The following PHTF2 variants were observed in gnomAD, a reference collection of about 807,000 sequenced individuals.
PHTF2 encodes the protein protein PHTF2.
In PHTF2, 60 loss-of-function variants were observed where a neutral mutation model predicts 101.2. The ratio of observed to expected loss-of-function variants is 0.59; its 90% CI spans 0.48 to 0.73. The LOEUF (loss-of-function observed/expected upper bound fraction) is 0.73. Ranked by LOEUF, PHTF2 falls within the 30% of genes least tolerant of loss-of-function variation. The probability of loss-of-function intolerance (pLI) is 0.00; values close to 1 mark genes in which losing one functional copy is unlikely to be tolerated. For missense variants in PHTF2, 747 were observed against 908.7 expected (o/e 0.82, Z 2.29); for synonymous variants, 311 against 307.3 (o/e 1.01, Z -0.13).
chr7:77,908,486 T>C (rs1442504310), intron 7 of PHTF2, among the ~76,000 whole-genome samples: 2 of 152,210 alleles, frequency 1.3e-5, no homozygotes, highest in Non-Finnish European at 2.9e-5. Flanking sequence ...AGTTCTTTGA[T>C]TGTCTGTGAT....
chr7:77,825,862 C>T (rs757805019), intron 1 of PHTF2, among the ~76,000 whole-genome samples: 49 of 151,928 alleles, frequency 3.2e-4, no homozygotes, highest in Non-Finnish European at 5.3e-4. Context: ...GAAAAATAAA[C>T]GAAAGAAGTA....
chr7:77,901,962 C>CA, intron 7 of PHTF2, 42 bp downstream of exon 6: 1 of 1,254,090 alleles, frequency 8.0e-7, no homozygotes, highest in Non-Finnish European at 1.1e-6. Context: ...CAGAATGTTA[C>CA]ATTGTTAGGT....
At chr7:77,845,212 T>C (rs932118917) in intron 2 of PHTF2, among the ~76,000 whole-genome samples, 1 of 152,190 alleles carries the variant, frequency 6.6e-6, no homozygotes, top group Non-Finnish European at 1.5e-5. Context: ...TTAAACAATA[T>C]AGTGACCTGT....
chr7:77,897,775 GGTTCAA>G (rs1287214354), intron 5 of PHTF2, among the ~76,000 whole-genome samples: 2 of 152,080 alleles, frequency 1.3e-5, no homozygotes, highest in African/African-American at 4.8e-5. Flanking sequence ...CTGCCTCCCA[GGTTCAA>G]GCGATTCTCC....
chr7:77,800,059 A>C (rs1245095454), intron 1 of PHTF2, among the ~76,000 whole-genome samples: 2 of 151,678 alleles, frequency 1.3e-5, no homozygotes, highest in East Asian at 3.9e-4. Context: ...GTTTTCAGGT[A>C]TTTTTGTAAA....
chr7:77,934,430 C>T (rs1486370764), intron 12 of PHTF2, among the ~76,000 whole-genome samples: 1 of 152,162 alleles, frequency 6.6e-6, no homozygotes, highest in East Asian at 1.9e-4. Flanking sequence ...TGCATTCCCA[C>T]AGTTGGAAAC....
intron 3 of PHTF2, among the ~76,000 whole-genome samples, chr7:77,874,185 CCAAA>C (rs1322868504): frequency 6.6e-6 from 1 of 152,112 alleles, no homozygotes; most frequent in Non-Finnish European, 1.5e-5. Flanking sequence ...GCAAAACTCT[CCAAA>C]CAGTTCATGC....
intron 13 of PHTF2, among the ~76,000 whole-genome samples, chr7:77,938,641 G>A (rs952970011): frequency 6.6e-6 from 1 of 152,150 alleles, no homozygotes; most frequent in Admixed American, 6.5e-5. Context: ...GCCGGGCGTG[G>A]TGGCGGGCGC....
chr7:77,920,481 A>T lies in PHTF2; in HGVS notation c.963+16A>T, dbSNP rs756410151. The T allele has an allele frequency of 1.3e-5, 21 of 1,601,274 alleles. No individual in the cohort carries two copies. The African/African-American group carries it at 2.5e-4, about 19-fold the overall frequency. On this transcript the variant is annotated intron_variant, in intron 10 of 19. Coordinates refer to ENST00000416283, the Ensembl canonical transcript of PHTF2. ...TCCTAGCAAAGTACGTGTGATTTTTAAAATAGTTTGCCTATGTGATTTTAT... is the reference window on the plus strand; with the variant it reads ...TCCTAGCAAAGTACGTGTGATTTTTTAAATAGTTTGCCTATGTGATTTTAT...
chr7:77,830,864 C>T (rs891234297), intron 1 of PHTF2, among the ~76,000 whole-genome samples: 6 of 152,212 alleles, frequency 3.9e-5, no homozygotes, highest in African/African-American at 1.4e-4. Flanking sequence ...TATCCGTCCA[C>T]ATTTCTTTGT....
At chr7:77,868,321 AATTTTTTTT>A (rs1798235573) in intron 3 of PHTF2, among the ~76,000 whole-genome samples, 2 of 139,818 alleles carry the variant, frequency 1.4e-5, no homozygotes, top group African/African-American at 5.4e-5. Context: ...ATTAAAAAAA[AATTTTTTTT>A]TTTTTTTTTT....
intron 1 of PHTF2, among the ~76,000 whole-genome samples, chr7:77,804,744 A>G (rs912305740): frequency 6.6e-6 from 1 of 152,330 alleles, no homozygotes; most frequent in South Asian, 2.1e-4. Flanking sequence ...ACTAATATCT[A>G]TCTTTCAATC....
At chr7:77,813,005 A>G (rs888170472) in intron 1 of PHTF2, among the ~76,000 whole-genome samples, 14 of 152,256 alleles carry the variant, frequency 9.2e-5, no homozygotes, top group Admixed American at 3.9e-4. Flanking sequence ...TAGTGGATAT[A>G]GGAACAGGTG....
intron 7 of PHTF2, among the ~76,000 whole-genome samples, chr7:77,903,280 T>G (rs1374447426): frequency 6.6e-6 from 1 of 152,202 alleles, no homozygotes; most frequent in Non-Finnish European, 1.5e-5. Flanking sequence ...TTTATCATTT[T>G]CTTGTTTTCT....
intron 12 of PHTF2, among the ~76,000 whole-genome samples, chr7:77,933,756 G>A (rs957819278): frequency 4.7e-5 from 7 of 148,574 alleles, no homozygotes; most frequent in African/African-American, 1.5e-4. Context: ...CACAGCGTGA[G>A]GTACACAGTA....
intron 13 of PHTF2, 24 bp from the exon 13 acceptor site, chr7:77,940,006 C>G: frequency 6.5e-7 from 1 of 1,541,832 alleles, no homozygotes; most frequent in Non-Finnish European, 8.8e-7. Flanking sequence ...TTTCTTTTCT[C>G]TCTCTTCCCC....
At chr7:77,868,332 T>C (rs1042456795) in intron 3 of PHTF2, among the ~76,000 whole-genome samples, 14 of 141,164 alleles carry the variant, frequency 9.9e-5, no homozygotes, top group Non-Finnish European at 1.5e-4. Flanking sequence ...ATTTTTTTTT[T>C]TTTTTTTTTT....
chr7:77,935,237 T>A (rs904455987), intron 12 of PHTF2, among the ~76,000 whole-genome samples: 4 of 144,334 alleles, frequency 2.8e-5, no homozygotes, highest in African/African-American at 1.0e-4. Context: ...TTTTTTTTTT[T>A]TTTCAGACGG....
chr7:77,814,861 G>A (rs1427037200), intron 1 of PHTF2, among the ~76,000 whole-genome samples: 1 of 152,000 alleles, frequency 6.6e-6, no homozygotes, highest in Non-Finnish European at 1.5e-5. Context: ...GATTACTGGA[G>A]GTTGGAAGTT....
Sources: gnomAD v4.1 joint callset for allele counts (sites outside exome capture counted in the v4.1 genomes callset) on GRCh38, gnomAD v4.1.1 for gene constraint, MANE v1.5 for transcripts, NCBI Gene and HGNC (gene_info 2026-07-23, HGNC 2026-07-21) for gene names.